ROBO2: variants seen among roughly 807,000 people sequenced by gnomAD.
ROBO2 encodes the protein roundabout homolog 2.
In ROBO2, 53 loss-of-function variants were observed where a neutral mutation model predicts 160.8. The ratio of observed to expected loss-of-function variants is 0.33; its 90% confidence interval spans 0.26 to 0.41. The LOEUF (loss-of-function observed/expected upper bound fraction) is 0.41. ROBO2 is among the 10% of genes least tolerant of loss of function. The pLI is 1.00. For synonymous variants in ROBO2, 664 were observed against 611.7 expected, an observed-to-expected ratio of 1.09 and a Z score of -1.26; for missense variants, 1,577 against 1,722.4, an observed-to-expected ratio of 0.92 and a Z score of 1.49.
chr3:76,147,280 G>T (rs2071947494), intron 2 of ROBO2, among the ~76,000 whole-genome samples: 1 of 151,644 alleles, frequency 6.6e-6, no homozygotes, highest in Admixed American at 6.6e-5. Context: ...TAGAGGTAAT[G>T]TTAATTTCAA....
intron 2 of ROBO2, among the ~76,000 whole-genome samples, chr3:76,986,044 T>G (rs943273270): frequency 6.6e-5 from 10 of 152,216 alleles, no homozygotes; most frequent in African/African-American, 2.4e-4. Flanking sequence ...TCAATAACTC[T>G]GATAAGCATT....
At chr3:76,278,402 G>T (rs1231370671) in intron 2 of ROBO2, among the ~76,000 whole-genome samples, 1 of 151,902 alleles carries the variant, frequency 6.6e-6, no homozygotes, top group Non-Finnish European at 1.5e-5. Flanking sequence ...TGTTGAATAG[G>T]ATATTGTTCA....
chr3:76,327,431 C>A (rs2073118283), intron 2 of ROBO2, among the ~76,000 whole-genome samples: 1 of 151,944 alleles, frequency 6.6e-6, no homozygotes, highest in Admixed American at 6.6e-5. Context: ...TGAAGAAGTG[C>A]TTTCAAATTT....
In ROBO2 at chr3:76,393,962, C is replaced by T. The variant is rs577291678; in HGVS notation, c.109+456360C>T. On this transcript the variant is annotated intron_variant, in intron 2 of 26. Coordinates refer to the ROBO2 transcript ENST00000487694. The stretch of plus-strand genomic sequence containing the variant: ...TAGAGGGAAAGAAAAATAAAAAATT[C>T]GTTTTCCATTTGCTTGGTAGATCTT... Among the ~76,000 whole-genome samples the T allele has an allele frequency of 1.3e-3, 193 of 152,040 alleles. 1 individual carries two copies. Among genetic ancestry groups the T allele is most frequent in the African/African-American group, 4.3e-3 (180 of 41,508 alleles).
At chr3:76,822,429 A>C (rs561133484) in intron 2 of ROBO2, among the ~76,000 whole-genome samples, 1 of 152,140 alleles carries the variant, frequency 6.6e-6, no homozygotes. Flanking sequence ...AGAACTTATG[A>C]GTTTCATTTT....
At position 77,460,855 on chromosome 3, in the gene ROBO2, T is replaced by C. The variant is rs184697531; in HGVS notation, c.389-16559T>C. The stretch of plus-strand genomic sequence containing the variant: ...TGATAGCTAATTTCCCATATTTTTT[T>C]CCATGGCCATCTGATTCTTCAGTCT... On this transcript the variant is annotated intron_variant, in intron 2 of 25. Transcript: ENST00000461745. Among the ~76,000 whole-genome samples, 817 of 152,282 alleles carry C rather than the reference T, an allele frequency of 5.4e-3. 6 individuals carry two copies. Among genetic ancestry groups the C allele is most frequent in the African/African-American group, 0.017 (691 of 41,536 alleles).
At chr3:76,012,418 A>C (rs1440689670) in intron 2 of ROBO2, among the ~76,000 whole-genome samples, 1 of 152,204 alleles carries the variant, frequency 6.6e-6, no homozygotes, top group East Asian at 1.9e-4. Flanking sequence ...TCTTTGGCTC[A>C]CGCACAACTA....
intron 2 of ROBO2, among the ~76,000 whole-genome samples, chr3:76,448,226 G>A (rs543070332): frequency 6.6e-6 from 1 of 152,054 alleles, no homozygotes; most frequent in South Asian, 2.1e-4. Flanking sequence ...AATATGTAAG[G>A]TAGCAAATTT....
At chr3:76,381,570 C>G (rs937204843) in intron 2 of ROBO2, among the ~76,000 whole-genome samples, 6 of 152,086 alleles carry the variant, frequency 3.9e-5, no homozygotes, top group African/African-American at 1.4e-4. Context: ...AGGGTGATCT[C>G]AATCTCCTGA....
At chr3:77,588,619 T>G in intron 16 of ROBO2, 132 bp from the exon 18 acceptor site, 2 of 847,480 alleles carry the variant, frequency 2.4e-6, no homozygotes, top group South Asian at 3.1e-5. Flanking sequence ...TTATCAATAC[T>G]TGTGATAGGC....
intron 24 of ROBO2, among the ~76,000 whole-genome samples, chr3:77,636,463 G>A (rs966575999): frequency 2.0e-5 from 3 of 151,896 alleles, no homozygotes; most frequent in African/African-American, 4.8e-5. Flanking sequence ...GTGGTTGCAC[G>A]TGCCTGTAAT....
At chr3:75,952,239 A>G (rs943856976) in intron 2 of ROBO2, among the ~76,000 whole-genome samples, 2 of 151,994 alleles carry the variant, frequency 1.3e-5, no homozygotes, top group Non-Finnish European at 2.9e-5. Flanking sequence ...TGATTTAACT[A>G]TAAAATGGAC....
intron 2 of ROBO2, among the ~76,000 whole-genome samples, chr3:76,769,527 A>G (rs1044926516): frequency 2.6e-5 from 4 of 151,462 alleles, no homozygotes; most frequent in African/African-American, 7.3e-5. Context: ...CATAATTCAG[A>G]ACAAAGGCCA....
At chr3:76,493,360 T>TATATATATATATATATA (rs1431991929) in intron 2 of ROBO2, among the ~76,000 whole-genome samples, 5 of 138,936 alleles carry the variant, frequency 3.6e-5, no homozygotes, top group African/African-American at 1.3e-4. Context: ...TATATATATA[T>TATATATATATATATATA]ATATAATTGT....
rs1433740534 is a variant in ROBO2 at position 77,180,416 on chromosome 3, C to CTCTCTCTCTCTCTATATA, written c.388+82077_388+82078insCTCTCTCTCTCTATATAT. 1.7e-4 allele frequency among the ~76,000 whole-genome samples: 15 copies of CTCTCTCTCTCTCTATATA among 90,708 alleles called. 1 individual carries two copies. Among genetic ancestry groups the CTCTCTCTCTCTCTATATA allele is most frequent in the South Asian group, 3.7e-4 (1 of 2,672 alleles). The allele number at this position is 90,708 out of a possible 152,430, so 59.5% of individuals were successfully genotyped here. A position where few individuals can be genotyped will look rare whatever the true frequency, so the allele number is the denominator to read the frequency against. Reference sequence around the variant, plus strand: ...TCTCTCTCTCTCTCTCTCTCTCTCTCTATATATATATATATGTATTTTTTT... The same window carrying CTCTCTCTCTCTCTATATA: ...TCTCTCTCTCTCTCTCTCTCTCTCTCTCTCTCTCTCTCTATATATATATATATATATATGTATTTTTTT... On this transcript the variant is annotated intron_variant, in intron 2 of 25. Coordinates refer to ENST00000461745, the Ensembl canonical transcript of ROBO2.
chr3:77,455,906 T>G (rs1039636819), intron 2 of ROBO2, among the ~76,000 whole-genome samples: 1 of 152,160 alleles, frequency 6.6e-6, no homozygotes, highest in Non-Finnish European at 1.5e-5. Flanking sequence ...ACTAAGGAGC[T>G]TTGCCAGTTA....
intron 2 of ROBO2, among the ~76,000 whole-genome samples, chr3:76,183,773 T>A (rs2107121361): frequency 6.6e-6 from 1 of 152,240 alleles, no homozygotes; most frequent in African/African-American, 2.4e-5. Context: ...ATAAGTTGAA[T>A]TATAAAAAAT....
intron 2 of ROBO2, among the ~76,000 whole-genome samples, chr3:76,591,606 A>G (rs1288008969): frequency 6.6e-6 from 1 of 152,144 alleles, no homozygotes; most frequent in Non-Finnish European, 1.5e-5. Flanking sequence ...ACTCCTGCCA[A>G]TAGTAAACCT....
intron 2 of ROBO2, among the ~76,000 whole-genome samples, chr3:76,716,854 T>C (rs1380613460): frequency 6.6e-6 from 1 of 152,214 alleles, no homozygotes; most frequent in African/African-American, 2.4e-5. Flanking sequence ...TAACTGACTC[T>C]AGCAAATCCT....
Sources: gnomAD v4.1 joint callset for allele counts (sites outside exome capture counted in the v4.1 genomes callset) on GRCh38, gnomAD v4.1.1 for gene constraint, MANE v1.5 for transcripts, NCBI Gene and HGNC (gene_info 2026-07-23, HGNC 2026-07-21) for gene names.